Variants in CFAP20DC observed in about 807,000 individuals in gnomAD.
CFAP20DC encodes the protein CFAP20 domain containing, also known as protein CFAP20DC.
Under a neutral mutation model 101.7 loss-of-function variants are expected in CFAP20DC, and 84 were observed. That is an observed-to-expected ratio of 0.83 (90% confidence interval 0.69 to 0.99). The LOEUF (loss-of-function observed/expected upper bound fraction) is 0.99. CFAP20DC is among the 50% of genes least tolerant of loss of function. CFAP20DC has a pLI of 0.00. For synonymous variants in CFAP20DC, 359 were observed against 351.2 expected (o/e 1.02, Z -0.25); for missense variants, 1,007 against 970.3 (o/e 1.04, Z -0.50).
intron 4 of CFAP20DC, among the ~76,000 whole-genome samples, chr3:58,993,343 G>A (rs753486930): frequency 7.2e-5 from 11 of 152,118 alleles, no homozygotes; most frequent in Non-Finnish European, 1.2e-4. Context: ...AACCAGTACC[G>A]TGTGATTGAC....
intron 14 of CFAP20DC, among the ~76,000 whole-genome samples, chr3:58,810,439 C>A (rs1384499665): frequency 6.6e-6 from 1 of 152,182 alleles, no homozygotes; most frequent in Non-Finnish European, 1.5e-5. Context: ...ATAAACAGAA[C>A]TGAAGACAAA....
chr3:58,981,065 GACAA>G (rs1391973170), intron 4 of CFAP20DC, among the ~76,000 whole-genome samples: 2 of 152,026 alleles, frequency 1.3e-5, no homozygotes, highest in Non-Finnish European at 2.9e-5. Context: ...ACCAATAACA[GACAA>G]ACAGAGAGCC....
chr3:58,816,687 C>G lies in CFAP20DC; in HGVS notation c.2176-10231G>C, dbSNP rs991027046. Among the ~76,000 whole-genome samples, 4 of 152,206 alleles carry G rather than the reference C, an allele frequency of 2.6e-5. No individual in the cohort carries two copies. In the East Asian group the frequency reaches 5.8e-4, roughly 22 times the overall value. ...GCTAGCACAGCAGTCTGAGATCAAA[C>G]TGCAAGGTGGAAGCGAGGCTGGGGG... On this transcript the variant is annotated intron_variant, in intron 14 of 16. Transcript: ENST00000482387.
chr3:59,034,083 T>C (rs1293086740), intron 4 of CFAP20DC, among the ~76,000 whole-genome samples: 1 of 152,142 alleles, frequency 6.6e-6, no homozygotes, highest in Non-Finnish European at 1.5e-5. Context: ...GAATTTCATA[T>C]CCAGTCAAAC....
At chr3:58,961,959 T>C (rs1472646837) in intron 4 of CFAP20DC, among the ~76,000 whole-genome samples, 1 of 152,212 alleles carries the variant, frequency 6.6e-6, no homozygotes, top group Non-Finnish European at 1.5e-5. Flanking sequence ...TTGTCCATCT[T>C]TTCAAAGAAC....
chr3:58,783,525 AAAG>A (rs1398707827), intron 15 of CFAP20DC, among the ~76,000 whole-genome samples: 1 of 152,042 alleles, frequency 6.6e-6, no homozygotes, highest in African/African-American at 2.4e-5. Context: ...CTGTTGAATG[AAAG>A]AAAATAAAAA....
chr3:58,764,866 G>C (rs1222635488), intron 15 of CFAP20DC, among the ~76,000 whole-genome samples: 2 of 152,000 alleles, frequency 1.3e-5, no homozygotes, highest in East Asian at 1.9e-4. Flanking sequence ...GGAGGGAGAG[G>C]GCTACTGGGC....
At chr3:58,970,424 T>C (rs937470296) in intron 4 of CFAP20DC, 1 of 152,146 alleles carries the variant, frequency 6.6e-6, no homozygotes, top group Non-Finnish European at 1.5e-5. Context: ...ATTGGAGTGA[T>C]ACACCTACAA....
chr3:58,948,841 T>A (rs2089706779), intron 4 of CFAP20DC, among the ~76,000 whole-genome samples: 1 of 152,226 alleles, frequency 6.6e-6, no homozygotes, highest in African/African-American at 2.4e-5. Flanking sequence ...TTTCTATTGA[T>A]TGGAATAGTT....
intron 4 of CFAP20DC, among the ~76,000 whole-genome samples, chr3:59,000,099 T>G (rs1001397593): frequency 1.3e-5 from 2 of 152,194 alleles, no homozygotes; most frequent in African/African-American, 4.8e-5. Context: ...TTCAAAACAA[T>G]TATGTAATCT....
intron 14 of CFAP20DC, chr3:58,824,468 A>G (rs1175535690): frequency 6.6e-6 from 1 of 152,180 alleles, no homozygotes; most frequent in Non-Finnish European, 1.5e-5. Context: ...ACGGAGCACA[A>G]GCAGCTTTGC....
intron 2 of CFAP20DC, 133 bp downstream of exon 2, chr3:59,047,031 CA>C (rs1377278273): frequency 1.6e-6 from 1 of 633,992 alleles, no homozygotes; most frequent in African/African-American, 1.8e-5. Flanking sequence ...CAGCTGCAGC[CA>C]ACAATGTCAT....
At position 59,001,081 on chromosome 3, in the gene CFAP20DC, T is replaced by C. The variant is rs985989900; in HGVS notation, c.278+38476A>G. Among the ~76,000 whole-genome samples, 13 of 152,230 alleles carry C rather than the reference T, an allele frequency of 8.5e-5. No individual in the cohort carries two copies. The highest frequency in any genetic ancestry group is 3.1e-4 in the African/African-American group (13 of 41,540). On this transcript the variant is annotated intron_variant, in intron 4 of 16. Coordinates refer to ENST00000482387, the MANE Select transcript of CFAP20DC (RefSeq NM_001394063.1). The surrounding 1 kb of genome is among the most constrained non-coding windows in gnomAD (Gnocchi z 4.5). ...ACTAAAATAGGGTGCATATTGGAAT[T>C]ACAGCAGTAAGAGTTAGTAAAGAGA...
At chr3:58,972,904 T>A (rs1438332479) in intron 4 of CFAP20DC, among the ~76,000 whole-genome samples, 2 of 152,196 alleles carry the variant, frequency 1.3e-5, no homozygotes, top group African/African-American at 4.8e-5. Context: ...TGGGGAGAAG[T>A]ATAATACAGT....
chr3:58,849,276 T>A lies in CFAP20DC; in HGVS notation c.1727A>T (p.Glu576Val). 6.5e-7 allele frequency: 1 copy of A among 1,536,120 alleles called. No homozygotes were observed. Among genetic ancestry groups the A allele is most frequent in the East Asian group, 2.4e-5 (1 of 40,918 alleles). The change falls in exon 13 of 17, where the codon GAA becomes GTA. Residue 576 changes from glutamate to valine, a missense_variant. Transcript: ENST00000482387. The stretch of plus-strand genomic sequence containing the variant: ...ATCCTGGCTTTCTGTTGCTCCTGCT[T>A]CTGTGTAGGCGCTCCTTAGATATTC... ...SKEYLRSAYT[E>V]AGATESQDSS... is the part of the protein sequence containing the mutation.
rs114687323 is a variant in CFAP20DC, at chr3:58,735,548, C to A, written c.198-17920G>T. On this transcript the variant is annotated intron_variant, in intron 3 of 3. Transcript: ENST00000486145. ...AGGAAGTGAAGAAGAGCAATAAAGACAAGAAATGAGAATAGGTTAAGCCAG... is the reference window on the plus strand; with the variant it reads ...AGGAAGTGAAGAAGAGCAATAAAGAAAAGAAATGAGAATAGGTTAAGCCAG... 5.6e-3 allele frequency among the ~76,000 whole-genome samples: 859 copies of A among 152,246 alleles called. 9 individuals are homozygous for A. The highest frequency in any genetic ancestry group is 0.019 in the African/African-American group (804 of 41,538).
At chr3:58,962,783 GA>G (rs796520077) in intron 4 of CFAP20DC, among the ~76,000 whole-genome samples, 4 of 152,258 alleles carry the variant, frequency 2.6e-5, no homozygotes, top group African/African-American at 9.6e-5. Flanking sequence ...CATTTAACCA[GA>G]AATGTGTTGA....
At chr3:58,938,517 T>A (rs2088033256) in intron 4 of CFAP20DC, among the ~76,000 whole-genome samples, 2 of 152,226 alleles carry the variant, frequency 1.3e-5, no homozygotes, top group African/African-American at 4.8e-5. Flanking sequence ...CTTTAAAAAC[T>A]TTTTATTTGA....
chr3:58,730,035 AAAAAG>A (rs1346789919), intron 3 of CFAP20DC, among the ~76,000 whole-genome samples: 3 of 148,512 alleles, frequency 2.0e-5, no homozygotes, highest in African/African-American at 7.8e-5. Context: ...AAAAAAAAAA[AAAAAG>A]AAAGTTGAAA....
Sources: gnomAD v4.1 joint callset for allele counts (sites outside exome capture counted in the v4.1 genomes callset) on GRCh38, gnomAD v4.1.1 for gene constraint, Gnocchi (gnomAD v3.1) non-coding constraint, MANE v1.5 for transcripts, NCBI Gene and HGNC (gene_info 2026-07-23, HGNC 2026-07-21) for gene names.